HELZ: variants seen among roughly 807,000 people sequenced by gnomAD.
HELZ encodes the protein helicase with zinc finger.
Under a neutral mutation model 218.2 loss-of-function variants are expected in HELZ, and 23 were observed. The observed-to-expected ratio is 0.11, with a 90% confidence interval of 0.08 to 0.15. The LOEUF (loss-of-function observed/expected upper bound fraction) is 0.15. Ranked by LOEUF, HELZ falls within the 10% of genes least tolerant of loss-of-function variation. The pLI, the probability that HELZ is intolerant of heterozygous loss-of-function variation, is 1.00. For missense variants in HELZ, 1,813 were observed against 2,353.7 expected (o/e 0.77, Z 4.75); for synonymous variants, 814 against 829.4 (o/e 0.98, Z 0.32).
chr17:67,243,352 A>G (rs376262710), intron 2 of HELZ, among the ~76,000 whole-genome samples: 4 of 152,358 alleles, frequency 2.6e-5, no homozygotes, highest in African/African-American at 9.6e-5. Context: ...CGGAAAGGGT[A>G]TACTTTACGA....
At chr17:67,110,417 T>C (rs2037246033) in intron 28 of HELZ, among the ~76,000 whole-genome samples, 1 of 152,202 alleles carries the variant, frequency 6.6e-6, no homozygotes, top group Admixed American at 6.5e-5. Context: ...AAAATATCTA[T>C]GTTAATAAAA....
intron 3 of HELZ, 84 bp downstream of exon 3, chr17:67,239,349 G>GT (rs1476370759): frequency 6.6e-6 from 1 of 152,174 alleles, no homozygotes; most frequent in Non-Finnish European, 1.5e-5. Context: ...CTACAGCCCT[G>GT]TATCACTTCA....
chr17:67,118,689 A>G (rs2037501882), intron 27 of HELZ, among the ~76,000 whole-genome samples: 1 of 111,276 alleles, frequency 9.0e-6, no homozygotes, highest in South Asian at 4.0e-4. Flanking sequence ...TGTCTTTAAA[A>G]GGCAAAAAAA....
At chr17:67,245,310 C>T, upstream of HELZ, 3 of 837,582 alleles carry the variant, frequency 3.6e-6, no homozygotes, top group South Asian at 5.3e-5. Context: ...GAAAGTTGCC[C>T]CGGGTGGACT....
intron 25 of HELZ, among the ~76,000 whole-genome samples, chr17:67,123,485 T>G (rs145045992): frequency 3.3e-4 from 50 of 152,278 alleles, no homozygotes; most frequent in African/African-American, 9.9e-4. Flanking sequence ...TCTAAAAAAT[T>G]ATACAACTCT....
intron 31 of HELZ, among the ~76,000 whole-genome samples, chr17:67,099,899 TG>T (rs34255764): frequency 0.3 from 45,409 of 152,134 alleles, 7,869 homozygotes; most frequent in East Asian, 0.69. Context: ...CTCATTTAAA[TG>T]ATTAGCTTTG....
intron 31 of HELZ, among the ~76,000 whole-genome samples, chr17:67,099,427 T>C (rs1461986904): frequency 1.3e-5 from 2 of 152,196 alleles, no homozygotes; most frequent in Admixed American, 6.5e-5. Context: ...CCATATATGA[T>C]TGTGTGTTTA....
At chr17:67,149,761 G>A (rs1188460252) in intron 19 of HELZ, 106 bp downstream of exon 19, 1 of 607,618 alleles carries the variant, frequency 1.6e-6, no homozygotes, top group Admixed American at 2.9e-5. Context: ...AAGTACTAAA[G>A]TTATAATGCA....
chr17:67,218,529 T>A, intron 4 of HELZ, 66 bp downstream of exon 4: 1 of 1,186,890 alleles, frequency 8.4e-7, no homozygotes, highest in Non-Finnish European at 1.3e-6. Context: ...ATTTGTATCG[T>A]CACCCCTCAA....
chr17:67,109,842 T>C (rs2037227238), intron 28 of HELZ, among the ~76,000 whole-genome samples, 156 bp from the exon 29 acceptor site: 1 of 151,930 alleles, frequency 6.6e-6, no homozygotes, highest in Admixed American at 6.6e-5. Flanking sequence ...CACAATCAAA[T>C]AAAGGAAATT....
chr17:67,207,251 C>T (rs1254954580), intron 5 of HELZ, among the ~76,000 whole-genome samples: 7 of 109,040 alleles, frequency 6.4e-5, no homozygotes, highest in Admixed American at 1.2e-4. Flanking sequence ...GATGGAGTCT[C>T]GCTTTGTTGC....
intron 15 of HELZ, among the ~76,000 whole-genome samples, chr17:67,161,673 T>C (rs2038998042): frequency 6.6e-6 from 1 of 152,142 alleles, no homozygotes; most frequent in African/African-American, 2.4e-5. Flanking sequence ...AAATAAAATG[T>C]TTTTTAATAT....
At position 67,161,006 on chromosome 17, in the gene HELZ, G is replaced by C. The variant is rs2038979762; in HGVS notation, c.1966C>G (p.Pro656Ala). 1 of 1,613,724 alleles carries C rather than the reference G, an allele frequency of 6.2e-7. No individual in the cohort carries two copies. The highest frequency in any genetic ancestry group is 8.5e-7 in the Non-Finnish European group (1 of 1,179,818). Residue 656 changes from proline (P) to alanine (A), a missense_variant, in exon 16 of 33, where the codon CCA (proline) becomes GCA (alanine). Physicochemically the swap from Pro to Ala is conservative, Grantham distance 27. This residue lies in a region of HELZ where 714 missense variants were observed against 1,029.2 expected (regional missense o/e 0.69). Coordinates refer to ENST00000358691, the MANE Select transcript of HELZ (RefSeq NM_014877.4). ...ACAGGCGGCAGCTGGATTGCAAGTG[G>C]AGTGGTAATGGCCAGAACAGCCTCT... ...QKEAVLAITT[P>A]LAIQLPPVLI...
intron 17 of HELZ, among the ~76,000 whole-genome samples, chr17:67,159,030 TC>T (rs556945067): frequency 1.3e-3 from 204 of 152,262 alleles, no homozygotes; most frequent in South Asian, 5.8e-3. Context: ...ACATGCTCAC[TC>T]TACCAACAAT....
chr17:67,153,190 G>GT (rs1376299801), intron 17 of HELZ, among the ~76,000 whole-genome samples: 2 of 151,974 alleles, frequency 1.3e-5, no homozygotes, highest in Non-Finnish European at 2.9e-5. Flanking sequence ...TTTTTGTTTT[G>GT]TTTTTTTAAA....
At chr17:67,093,825 T>C (rs958756950) in intron 31 of HELZ, among the ~76,000 whole-genome samples, 3 of 152,232 alleles carry the variant, frequency 2.0e-5, no homozygotes, top group Admixed American at 6.5e-5. Flanking sequence ...AACAAATAAA[T>C]TGCATTATTT....
chr17:67,161,024 C>T lies in HELZ; in HGVS notation c.1948G>A (p.Val650Ile), dbSNP rs751427629. The T allele has an allele frequency of 6.2e-7, 1 of 1,613,258 alleles. No individual in the cohort carries two copies. The highest frequency in any genetic ancestry group is 8.5e-7 in the Non-Finnish European group (1 of 1,179,540). ...GCAAGTGGAGTGGTAATGGCCAGAA[C>T]AGCCTCTTTCTGTTTTGCATTTAGT... ...PRLNAKQKEA[V>I]LAITTPLAIQ... The change falls in exon 16 of 33, where the codon GTT becomes ATT. Residue 650 changes from valine to isoleucine, a missense_variant. Physicochemically the swap from Val to Ile is conservative, Grantham distance 29. Around this residue, in one of 4 missense-constraint regions of HELZ, gnomAD observed 714 missense variants for 1,029.2 expected, o/e 0.69. Transcript: ENST00000358691.
chr17:67,079,504 GC>G (rs1797724275), intron 32 of HELZ, among the ~76,000 whole-genome samples: 1 of 152,018 alleles, frequency 6.6e-6, no homozygotes, highest in South Asian at 2.1e-4. Flanking sequence ...AATATTCACG[GC>G]TCCTTCCTCA....
chr17:67,245,124 G>A (rs1274691263), intron 1 of HELZ, 24 bp downstream of exon 1: 2 of 984,962 alleles, frequency 2.0e-6, no homozygotes, highest in East Asian at 1.1e-4. Flanking sequence ...CCCAGGAGCA[G>A]AGAAGGGGGA....
Sources: allele counts gnomAD v4.1 joint callset (sites outside exome capture counted in the v4.1 genomes callset), GRCh38; gene constraint gnomAD v4.1.1; regional missense constraint gnomAD v4.1.1; transcripts MANE v1.5; gene names NCBI Gene and HGNC (gene_info 2026-07-23, HGNC 2026-07-21).